Variants in GPHN observed in about 807,000 individuals in gnomAD.
GPHN encodes the protein gephyrin.
A neutral mutation model predicts 95.5 loss-of-function variants in GPHN; 17 were observed. The observed-to-expected ratio is 0.18, with a 90% confidence interval of 0.12 to 0.27. The LOEUF (loss-of-function observed/expected upper bound fraction) is 0.27, where lower values mean the gene tolerates loss of function less well. Among genes scored for constraint, GPHN ranks in the 10% least tolerant of loss-of-function variants. GPHN has a pLI of 1.00. For synonymous variants in GPHN, 320 were observed against 322.5 expected (o/e 0.99, Z 0.08); for missense variants, 660 against 978.1 (o/e 0.67, Z 4.34).
chr14:66,546,599 G>A (rs1420559800), intron 1 of GPHN, among the ~76,000 whole-genome samples: 3 of 152,076 alleles, frequency 2.0e-5, no homozygotes, highest in African/African-American at 4.8e-5. Flanking sequence ...GCGAAACCCC[G>A]TCTCCACCAA....
chr14:66,543,381 T>C (rs545314021), intron 1 of GPHN, among the ~76,000 whole-genome samples: 111 of 152,340 alleles, frequency 7.3e-4, no homozygotes, highest in African/African-American at 2.4e-3. Flanking sequence ...TTCCTTCTTA[T>C]ACATACTTTT....
the GPHN span, among the ~76,000 whole-genome samples, chr14:67,653,200 T>C: frequency 6.6e-6 from 1 of 152,268 alleles, no homozygotes; most frequent in Admixed American, 6.5e-5. Context: ...AATTTTTCAC[T>C]GCTCCAAGTC....
the GPHN span, among the ~76,000 whole-genome samples, chr14:67,231,686 G>A: frequency 2.0e-5 from 3 of 152,056 alleles, no homozygotes; most frequent in Admixed American, 1.3e-4. Context: ...TACCTCAATA[G>A]GCCAAGCTCA....
intron 4 of GPHN, among the ~76,000 whole-genome samples, chr14:66,841,688 T>C (rs572052897): frequency 6.6e-6 from 1 of 152,230 alleles, no homozygotes; most frequent in South Asian, 2.1e-4. Context: ...TTACTTTGGT[T>C]ATGGAAACCT....
At chr14:67,421,327 G>T in the GPHN span, among the ~76,000 whole-genome samples, 1 of 152,152 alleles carries the variant, frequency 6.6e-6, no homozygotes, top group Admixed American at 6.5e-5. Context: ...GATCATGATT[G>T]CCTAGCCCAG....
chr14:66,530,536 G>C (rs761188063), intron 1 of GPHN, among the ~76,000 whole-genome samples: 8 of 152,238 alleles, frequency 5.3e-5, no homozygotes, highest in South Asian at 2.1e-4. Context: ...CTAGCTCGCT[G>C]TCTGTCCAAA....
chr14:67,542,746 G>A, the GPHN span, among the ~76,000 whole-genome samples: 2 of 151,900 alleles, frequency 1.3e-5, no homozygotes, highest in Non-Finnish European at 2.9e-5. Flanking sequence ...TGTTGCCCAG[G>A]CTGGAGTGCA....
chr14:67,558,562 A>G, the GPHN span, among the ~76,000 whole-genome samples: 2 of 152,162 alleles, frequency 1.3e-5, no homozygotes, highest in Non-Finnish European at 2.9e-5. Context: ...GGTGGACAAA[A>G]TGACTCCTGC....
intron 9 of GPHN, among the ~76,000 whole-genome samples, chr14:66,998,801 A>T (rs1023768196): frequency 7.2e-5 from 11 of 151,842 alleles, no homozygotes; most frequent in African/African-American, 2.7e-4. Flanking sequence ...TGAGTTGTAT[A>T]GGAACAAGAT....
intron 10 of GPHN, among the ~76,000 whole-genome samples, chr14:67,057,502 T>G (rs2075647877): frequency 6.6e-6 from 1 of 151,586 alleles, no homozygotes; most frequent in Non-Finnish European, 1.5e-5. Context: ...ACCTAGGTAA[T>G]GGATTGATCC....
the GPHN span, among the ~76,000 whole-genome samples, chr14:67,610,283 T>C: frequency 6.6e-6 from 1 of 152,266 alleles, no homozygotes; most frequent in African/African-American, 2.4e-5. Context: ...TTTTGTTGTT[T>C]TTTGTTTTTG....
At chr14:67,724,977 C>G in the GPHN span, 6 of 1,154,078 alleles carry the variant, frequency 5.2e-6, no homozygotes, top group Admixed American at 8.4e-5. Flanking sequence ...AATATGTTCA[C>G]TCTACCGTTG....
At chr14:66,992,523 A>G (rs1179468900) in intron 9 of GPHN, among the ~76,000 whole-genome samples, 1 of 152,150 alleles carries the variant, frequency 6.6e-6, no homozygotes, top group African/African-American at 2.4e-5. Context: ...CCAATATGGG[A>G]TAGTATGAAA....
intron 1 of GPHN, among the ~76,000 whole-genome samples, chr14:66,544,580 T>TC (rs2059464774): frequency 1.3e-5 from 1 of 76,530 alleles, no homozygotes; most frequent in Admixed American, 1.7e-4. Context: ...CTTTTTTTCT[T>TC]TTTTTTTTTT....
At chr14:66,948,783 T>C (rs1281255237) in intron 8 of GPHN, among the ~76,000 whole-genome samples, 4 of 152,210 alleles carry the variant, frequency 2.6e-5, no homozygotes, top group African/African-American at 9.6e-5. Context: ...GAACTCAAGA[T>C]ACATTGCATT....
At chr14:66,565,004 A>G (rs976683461) in intron 1 of GPHN, among the ~76,000 whole-genome samples, 11 of 151,964 alleles carry the variant, frequency 7.2e-5, no homozygotes, top group East Asian at 5.8e-4. Context: ...CTCTTTGCCC[A>G]TGTTTTTCTC....
At chr14:67,653,409 G>GA in the GPHN span, 1 of 1,607,364 alleles carries the variant, frequency 6.2e-7, no homozygotes, top group Non-Finnish European at 8.5e-7. Flanking sequence ...TGAGTTAAGA[G>GA]AAATTTCATG....
the GPHN span, chr14:67,585,695 CTCAACATGG>C: frequency 7.3e-7 from 1 of 1,370,482 alleles, no homozygotes; most frequent in Non-Finnish European, 1.0e-6. Context: ...CCTCCTCTTC[CTCAACATGG>C]TCTTTTCTTC....
the GPHN span, chr14:67,581,169 A>C: frequency 1.6e-6 from 1 of 639,516 alleles, no homozygotes; most frequent in South Asian, 1.8e-5. Flanking sequence ...CCTGGCAGTC[A>C]CTAGCTGGGG....
Sources: allele counts gnomAD v4.1 joint callset (sites outside exome capture counted in the v4.1 genomes callset), GRCh38; gene constraint gnomAD v4.1.1; transcripts MANE v1.5; gene names NCBI Gene and HGNC (gene_info 2026-07-23, HGNC 2026-07-21).